PTPRR: variants seen among roughly 807,000 people sequenced by gnomAD.
PTPRR encodes protein tyrosine phosphatase receptor type R.
In PTPRR, 38 loss-of-function variants were observed where a neutral mutation model predicts 77.2. The observed-to-expected ratio is 0.49, with a 90% CI of 0.38 to 0.65. The LOEUF (loss-of-function observed/expected upper bound fraction) is 0.65. PTPRR is among the 30% of genes least tolerant of loss of function. The pLI is 0.00. For missense variants in PTPRR, 744 were observed against 799.2 expected (o/e 0.93, Z 0.83); for synonymous variants, 299 against 283.1 (o/e 1.06, Z -0.57).
chr12:70,690,801 G>A (rs1888028982), intron 8 of PTPRR, among the ~76,000 whole-genome samples: 1 of 152,146 alleles, frequency 6.6e-6, no homozygotes. Context: ...AAGACTCTTT[G>A]TGGACTAAAG....
intron 2 of PTPRR, among the ~76,000 whole-genome samples, chr12:70,770,453 C>T (rs1162384647): frequency 6.6e-6 from 1 of 152,138 alleles, no homozygotes; most frequent in African/African-American, 2.4e-5. Flanking sequence ...ATCATAACCA[C>T]AATGAGATAC....
intron 13 of PTPRR, among the ~76,000 whole-genome samples, chr12:70,641,223 TG>T (rs1885985791): frequency 6.6e-6 from 1 of 152,218 alleles, no homozygotes; most frequent in African/African-American, 2.4e-5. Flanking sequence ...CTCTGGCATT[TG>T]CACAGCTCAG....
chr12:70,847,114 G>A (rs1892498158), intron 2 of PTPRR, among the ~76,000 whole-genome samples: 1 of 152,150 alleles, frequency 6.6e-6, no homozygotes, highest in Non-Finnish European at 1.5e-5. Flanking sequence ...CCTGACACGA[G>A]AACTTGGATG....
At chr12:70,781,663 T>C (rs1298300846) in intron 2 of PTPRR, among the ~76,000 whole-genome samples, 1 of 152,186 alleles carries the variant, frequency 6.6e-6, no homozygotes, top group East Asian at 1.9e-4. Flanking sequence ...TGTCAGTATA[T>C]TGACCCTTTT....
intron 2 of PTPRR, 47 bp downstream of exon 2, chr12:70,892,632 G>A: frequency 6.3e-7 from 1 of 1,591,318 alleles, no homozygotes; most frequent in Non-Finnish European, 8.6e-7. Flanking sequence ...ATCAATGACA[G>A]GAAAGAATCA....
chr12:70,904,029 G>T (rs985237131), intron 1 of PTPRR, among the ~76,000 whole-genome samples: 6 of 151,924 alleles, frequency 3.9e-5, no homozygotes, highest in African/African-American at 1.4e-4. Flanking sequence ...ATTGTGATAT[G>T]ATATTAGAAT....
chr12:70,781,580 T>A (rs1891203742), intron 2 of PTPRR, among the ~76,000 whole-genome samples: 1 of 152,232 alleles, frequency 6.6e-6, no homozygotes, highest in African/African-American at 2.4e-5. Flanking sequence ...CAGACTTTTT[T>A]ATGCCAAAGC....
intron 13 of PTPRR, among the ~76,000 whole-genome samples, chr12:70,654,096 A>G (rs539364560): frequency 6.6e-6 from 1 of 152,280 alleles, no homozygotes; most frequent in East Asian, 1.9e-4. Flanking sequence ...TTCACAGATA[A>G]TTTTAATAAT....
At chr12:70,760,897 G>A (rs184710954) in intron 4 of PTPRR, among the ~76,000 whole-genome samples, 1 of 152,312 alleles carries the variant, frequency 6.6e-6, no homozygotes, top group East Asian at 1.9e-4. Context: ...GATGGTGGAG[G>A]TGGTAGAGGA....
intron 3 of PTPRR, among the ~76,000 whole-genome samples, chr12:70,763,640 G>T (rs1422573721): frequency 1.3e-5 from 2 of 152,234 alleles, no homozygotes; most frequent in Non-Finnish European, 2.9e-5. Flanking sequence ...AGTGAATGCA[G>T]ATGGGTGCAA....
intron 2 of PTPRR, among the ~76,000 whole-genome samples, chr12:70,794,332 A>G (rs919016257): frequency 2.6e-5 from 4 of 152,226 alleles, no homozygotes; most frequent in Admixed American, 6.5e-5. Context: ...CAGAAGGCCT[A>G]TGAGCTAGAA....
chr12:70,875,834 A>G (rs563541640), intron 2 of PTPRR, among the ~76,000 whole-genome samples: 2 of 152,212 alleles, frequency 1.3e-5, no homozygotes, highest in Non-Finnish European at 2.9e-5. Flanking sequence ...ACTGTTGAGA[A>G]AGAGATAACC....
rs1193950231 is a variant in PTPRR, at chr12:70,733,470, C to CAA, written c.1007+12346_1007+12347dup. 2.2e-3 allele frequency among the ~76,000 whole-genome samples: 164 copies of CAA among 74,024 alleles called. 1 individual carries two copies. The highest frequency in any genetic ancestry group is 6.3e-3 in the African/African-American group (73 of 11,540). 48.6% of individuals were successfully genotyped at this position (74,024 alleles called of 152,430 possible). A position where few individuals can be genotyped will look rare whatever the true frequency, so the allele number is the denominator to read the frequency against. The stretch of plus-strand genomic sequence containing the variant: ...AGAAAGAAAAAAAGAAAAATTATGG[C>CAA]AAAAAAAAAAAGAAAAAAAAAGAAA... On this transcript the variant is annotated intron_variant, in intron 6 of 13. Transcript: ENST00000283228.
chr12:70,729,202 A>G lies in PTPRR; in HGVS notation c.1007+16616T>C, dbSNP rs1019689139. ...CATTTAAATATATGCATTTAAACTTAAATGTATTTAAACACATGCATTTAA... is the reference window on the plus strand; with the variant it reads ...CATTTAAATATATGCATTTAAACTTGAATGTATTTAAACACATGCATTTAA... On this transcript the variant is annotated intron_variant, in intron 6 of 13. Coordinates refer to ENST00000283228, the MANE Select transcript of PTPRR (RefSeq NM_002849.4). 2.6e-5 allele frequency among the ~76,000 whole-genome samples: 4 copies of G among 152,332 alleles called. No individual in the cohort carries two copies. The East Asian group carries it at 7.7e-4, about 29-fold the overall frequency.
intron 6 of PTPRR, among the ~76,000 whole-genome samples, chr12:70,703,964 A>G (rs1018761698): frequency 5.9e-5 from 9 of 152,124 alleles, no homozygotes; most frequent in Non-Finnish European, 1.2e-4. Context: ...ATCTGGTAGG[A>G]AAAAAAGTGT....
At chr12:70,813,951 T>A (rs2137033227) in intron 2 of PTPRR, among the ~76,000 whole-genome samples, 1 of 152,250 alleles carries the variant, frequency 6.6e-6, no homozygotes. Flanking sequence ...CGGGGAATAG[T>A]CCTCAGAGTT....
At chr12:70,910,040 A>T (rs1893678214) in intron 1 of PTPRR, among the ~76,000 whole-genome samples, 1 of 152,154 alleles carries the variant, frequency 6.6e-6, no homozygotes, top group Non-Finnish European at 1.5e-5. Flanking sequence ...TCACAAATGA[A>T]GGTTTTAGAG....
At chr12:70,712,010 G>T (rs1264163032) in intron 6 of PTPRR, among the ~76,000 whole-genome samples, 1 of 152,042 alleles carries the variant, frequency 6.6e-6, no homozygotes, top group East Asian at 1.9e-4. Context: ...GTAATCGTGG[G>T]CTTTGGTCAG....
At chr12:70,886,398 C>G (rs1893240430) in intron 2 of PTPRR, among the ~76,000 whole-genome samples, 1 of 152,174 alleles carries the variant, frequency 6.6e-6, no homozygotes, top group Admixed American at 6.5e-5. Flanking sequence ...AAAAGTTCAA[C>G]CAAACTTCTG....
Sources: allele counts gnomAD v4.1 joint callset (sites outside exome capture counted in the v4.1 genomes callset), GRCh38; gene constraint gnomAD v4.1.1; transcripts MANE v1.5; gene names NCBI Gene and HGNC (gene_info 2026-07-23, HGNC 2026-07-21).